GCGR: variants seen among roughly 807,000 people sequenced by gnomAD.
GCGR encodes the protein glucagon receptor.
In GCGR, 41 loss-of-function variants were observed where a neutral mutation model predicts 56.1. That is an observed-to-expected ratio of 0.73 (90% CI 0.57 to 0.95). The LOEUF is 0.95. Among genes scored for constraint, GCGR ranks in the 40% least tolerant of loss-of-function variants. The pLI is 0.00. For missense variants in GCGR, 595 were observed against 638.2 expected, an observed-to-expected ratio of 0.93 and a Z score of 0.73; for synonymous variants, 278 against 271.1, an observed-to-expected ratio of 1.03 and a Z score of -0.25.
chr17:81,809,182 G>T, intron 2 of GCGR, 104 bp downstream of exon 2: 1 of 1,341,680 alleles, frequency 7.5e-7, no homozygotes, highest in Non-Finnish European at 1.0e-6. Context: ...CTGCCTGCCT[G>T]TCTGTCTGTC....
Position 81,810,045 on chromosome 17 carries a change from G to A in GCGR, c.163+161G>A, listed in dbSNP as rs1598236409. On this transcript the variant is annotated intron_variant, in intron 3 of 13. Transcript: ENST00000400723. This position sits in a 1 kb window ranked among gnomAD's most constrained non-coding sequence, Gnocchi z 4.6. ...CACCACCGTGGGCAGGTGAGGTAAC[G>A]AGGTAACTGAGCCACAGAGCTGGGG... The A allele has an allele frequency of 2.9e-6, 2 of 689,838 alleles. No homozygotes were observed. The highest frequency in any genetic ancestry group is 2.7e-5 in the East Asian group (1 of 36,788). 42.7% of individuals were successfully genotyped at this position (689,838 alleles called of 1,614,324 possible). A position where few individuals can be genotyped will look rare whatever the true frequency, so the allele number is the denominator to read the frequency against.
rs988879525 is a variant in GCGR, at chr17:81,812,691, C to G, written c.1037+26C>G. Reference sequence around the variant, plus strand: ...GTGGGTGCCGCGGCAGCTGGCGTCTCGAGACCTGGAGACCCTCAGGGCCAG... The same window carrying G: ...GTGGGTGCCGCGGCAGCTGGCGTCTGGAGACCTGGAGACCCTCAGGGCCAG... On this transcript the variant is annotated intron_variant, in intron 11 of 13. Transcript: ENST00000400723. The surrounding 1 kb of genome is among the most constrained non-coding windows in gnomAD (Gnocchi z 8.5). 3.3e-6 allele frequency: 5 copies of G among 1,531,252 alleles called. No individual in the cohort carries two copies. The Admixed American group carries it at 7.9e-5, about 24-fold the overall frequency. The allele number at this position is 1,531,252 out of a possible 1,614,324, so 94.9% of individuals were successfully genotyped here. A position where few individuals can be genotyped will look rare whatever the true frequency, so the allele number is the denominator to read the frequency against.
At position 81,812,620 on chromosome 17, in the gene GCGR, C is replaced by T. The variant is rs2038125867; in HGVS notation, c.992C>T (p.Ala331Val). 6.5e-7 allele frequency: 1 copy of T among 1,536,540 alleles called. No individual in the cohort carries two copies. Among genetic ancestry groups the T allele is most frequent in the African/African-American group, 1.4e-5 (1 of 73,166 alleles). ...GTCCGCATCGTTCAGCTGCTCGTGG[C>T]CAAGCTGCGGGCACGGCAGATGCAC... ...IFVRIVQLLV[A>V]KLRARQMHHT... The change falls in exon 11 of 14, where the codon GCC becomes GTC. Residue 331 changes from alanine to valine, a missense_variant. Transcript: ENST00000400723. This position sits in a 1 kb window ranked among gnomAD's most constrained non-coding sequence, Gnocchi z 8.5.
At chr17:81,807,145 G>A (rs1019874733) in intron 1 of GCGR, among the ~76,000 whole-genome samples, 1 of 152,248 alleles carries the variant, frequency 6.6e-6, no homozygotes, top group Non-Finnish European at 1.5e-5. Context: ...CCAGAGCTGG[G>A]GACGCCAAAA....
Position 81,810,849 on chromosome 17 carries a change from A to G in GCGR, c.188A>G (p.Asp63Gly). 1 of 1,536,594 alleles carries G rather than the reference A, an allele frequency of 6.5e-7. No individual in the cohort carries two copies. The highest frequency in any genetic ancestry group is 1.2e-5 in the South Asian group (1 of 84,062). Residue 63 changes from aspartate to glycine, a missense_variant, in exon 4 of 14, where the codon GAC (aspartate) becomes GGC (glycine). Transcript: ENST00000400723. The surrounding 1 kb of genome is among the most constrained non-coding windows in gnomAD (Gnocchi z 4.6). ...PTELVCNRTF[D>G]KYSCWPDTPA... ...GAGCTGGTGTGCAACAGAACCTTCG[A>G]CAAGTATTCCTGCTGGCCGGACACC...
At chr17:81,809,629 G>A (rs1442480043) in intron 2 of GCGR, among the ~76,000 whole-genome samples, 153 bp from the exon 3 acceptor site, 1 of 149,442 alleles carries the variant, frequency 6.7e-6, no homozygotes, top group Non-Finnish European at 1.5e-5. Flanking sequence ...CTGTCCGTCT[G>A]CCTGCCTGTC....
chr17:81,813,668 ATT>A lies in GCGR; in HGVS notation c.1414_1415del (p.Leu472GlyfsTer2). 1 of 1,535,468 alleles carries A rather than the reference ATT, an allele frequency of 6.5e-7. No individual in the cohort carries two copies. The highest frequency in any genetic ancestry group is 1.4e-5 in the African/African-American group (1 of 73,086). On this transcript the variant is annotated frameshift_variant, in exon 14 of 14. Transcript: ENST00000400723. LOFTEE classifies it high-confidence loss of function. The surrounding 1 kb of genome is among the most constrained non-coding windows in gnomAD (Gnocchi z 5.3). ...ETPLAGGLPR[L>X]AESPF ...CCCCCTTGGCTGGTGGCCTCCCTAGATTGGCTGAGAGCCCCTTCTGAACCCTG... is the reference window on the plus strand; with the variant it reads ...CCCCCTTGGCTGGTGGCCTCCCTAGAGGCTGAGAGCCCCTTCTGAACCCTG...
chr17:81,811,318 G>T lies in GCGR; in HGVS notation c.490G>T (p.Gly164Trp). 6.5e-7 allele frequency: 1 copy of T among 1,535,212 alleles called. No homozygotes were observed. The highest frequency in any genetic ancestry group is 1.7e-4 in the Middle Eastern group (1 of 5,984). Reference protein sequence around the residue: ...GALLLALAILGGLSKLHCTRN... With the variant: ...GALLLALAILWGLSKLHCTRN... ...CCTGCTCCTCGCCTTGGCCATCCTG[G>T]GGGGCCTCAGGTAGGATTCCGCCAG... The change falls in exon 6 of 14, where the codon GGG becomes TGG. Residue 164 changes from glycine (G) to tryptophan (W), a missense_variant. Coordinates refer to ENST00000400723, the MANE Select transcript of GCGR (RefSeq NM_000160.5). The surrounding 1 kb of genome is among the most constrained non-coding windows in gnomAD (Gnocchi z 5.8).
rs1325447916 is a variant in GCGR at position 81,811,285 on chromosome 17, C to T, written c.457C>T (p.Leu153=). 1.3e-6 allele frequency: 2 copies of T among 1,535,900 alleles called. No homozygotes were observed. The highest frequency in any genetic ancestry group is 3.9e-5 in the Admixed American group (2 of 50,986). Reference sequence around the variant, plus strand: ...GTACACAGTGGGCTACAGCCTGTCCCTGGGGGCCCTGCTCCTCGCCTTGGC... The same window carrying T: ...GTACACAGTGGGCTACAGCCTGTCCTTGGGGGCCCTGCTCCTCGCCTTGGC... ...VMYTVGYSLS[L]GALLLALAIL... Residue 153 remains leucine (L), a synonymous_variant, in exon 6 of 14, where the codon CTG becomes TTG. Transcript: ENST00000400723. This position sits in a 1 kb window ranked among gnomAD's most constrained non-coding sequence, Gnocchi z 5.8.
At chr17:81,805,939 G>T (rs567822254) in intron 1 of GCGR, among the ~76,000 whole-genome samples, 1 of 152,294 alleles carries the variant, frequency 6.6e-6, no homozygotes, top group African/African-American at 2.4e-5. Flanking sequence ...GGCTGACCGG[G>T]GCCCGGGGGT....
In GCGR at chr17:81,812,141, C is replaced by T; in HGVS notation, c.879-42C>T. ...ACGGGGGTGCTGAGGGGCGGAGGGGCTGGGGGCTGTGCCCCAGTATGTGAG... is the reference window on the plus strand; with the variant it reads ...ACGGGGGTGCTGAGGGGCGGAGGGGTTGGGGGCTGTGCCCCAGTATGTGAG... On this transcript the variant is annotated intron_variant, in intron 9 of 13. Coordinates refer to ENST00000400723, the MANE Select transcript of GCGR (RefSeq NM_000160.5). This position sits in a 1 kb window ranked among gnomAD's most constrained non-coding sequence, Gnocchi z 8.5. 6.5e-7 allele frequency: 1 copy of T among 1,528,148 alleles called. No individual in the cohort carries two copies. Among genetic ancestry groups the T allele is most frequent in the Non-Finnish European group, 8.8e-7 (1 of 1,140,358 alleles). The allele number at this position is 1,528,148 out of a possible 1,614,324, so 94.7% of individuals were successfully genotyped here.
Position 81,808,818 on chromosome 17 carries a change from C to T in GCGR, c.-177-24C>T. 4 of 642,498 alleles carry T rather than the reference C, an allele frequency of 6.2e-6. No homozygotes were observed. The South Asian group carries it at 7.8e-5, about 12-fold the overall frequency. 39.8% of individuals were successfully genotyped at this position (642,498 alleles called of 1,614,324 possible). A position where few individuals can be genotyped will look rare whatever the true frequency, so the allele number is the denominator to read the frequency against. ...ACAGGCGTGAGCCGCCGCGCCCGGCCCCCAGCTCCCTCTTTATCCCTAGGA... is the reference window on the plus strand; with the variant it reads ...ACAGGCGTGAGCCGCCGCGCCCGGCTCCCAGCTCCCTCTTTATCCCTAGGA... On this transcript the variant is annotated intron_variant, in intron 1 of 13. Transcript: ENST00000400723.
intron 1 of GCGR, among the ~76,000 whole-genome samples, chr17:81,807,841 C>T (rs2037994390): frequency 6.6e-6 from 1 of 152,252 alleles, no homozygotes; most frequent in Non-Finnish European, 1.5e-5. Context: ...GCTGTTGCCA[C>T]CCCGAACTCC....
Position 81,813,262 on chromosome 17 carries a change from G to A in GCGR, c.1218+205G>A, listed in dbSNP as rs574615484. On this transcript the variant is annotated intron_variant, in intron 13 of 13. Coordinates refer to ENST00000400723, the MANE Select transcript of GCGR (RefSeq NM_000160.5). This position sits in a 1 kb window ranked among gnomAD's most constrained non-coding sequence, Gnocchi z 5.3. Reference sequence around the variant, plus strand: ...AGGACAGGTTGGCCTCAGCCCCATCGCTACGGTGTCCACCGTGGGGGTCCC... The same window carrying A: ...AGGACAGGTTGGCCTCAGCCCCATCACTACGGTGTCCACCGTGGGGGTCCC... 1.3e-5 allele frequency among the ~76,000 whole-genome samples: 2 copies of A among 152,262 alleles called. No individual in the cohort carries two copies. Among genetic ancestry groups the A allele is most frequent in the African/African-American group, 4.8e-5 (2 of 41,552 alleles).
chr17:81,810,669 G>A lies in GCGR; in HGVS notation c.164-156G>A, dbSNP rs2038073444. Among the ~76,000 whole-genome samples the A allele has an allele frequency of 6.6e-6, 1 of 151,990 alleles. No homozygotes were observed. The highest frequency in any genetic ancestry group is 2.4e-5 in the African/African-American group (1 of 41,364). On this transcript the variant is annotated intron_variant, in intron 3 of 13. Coordinates refer to ENST00000400723, the MANE Select transcript of GCGR (RefSeq NM_000160.5). The surrounding 1 kb of genome is among the most constrained non-coding windows in gnomAD (Gnocchi z 4.6). ...GGAAGGTGGAGGTCAGATGGGGGAGGTGGAGGTCAAGTGGGGGAGGGAGCA... is the reference window on the plus strand; with the variant it reads ...GGAAGGTGGAGGTCAGATGGGGGAGATGGAGGTCAAGTGGGGGAGGGAGCA...
Position 81,811,565 on chromosome 17 carries a change from G to C in GCGR, c.657+5G>C. The C allele has an allele frequency of 9.8e-6, 15 of 1,536,300 alleles. No individual in the cohort carries two copies. Among genetic ancestry groups the C allele is most frequent in the Non-Finnish European group, 1.3e-5 (15 of 1,146,822 alleles). ...AGCACCTGGCTCAGTGATGGAGTGA[G>C]CCCCCCTCGGCGGCCCCAGGCAGGT... On this transcript the variant is annotated splice_donor_5th_base_variant and intron_variant, in intron 7 of 13. Coordinates refer to ENST00000400723, the MANE Select transcript of GCGR (RefSeq NM_000160.5). The surrounding 1 kb of genome is among the most constrained non-coding windows in gnomAD (Gnocchi z 5.8).
rs1315529147 is a variant in GCGR at position 81,813,653 on chromosome 17, T to C, written c.1398T>C (p.Ala466=). Residue 466 remains alanine, a synonymous_variant, in exon 14 of 14, where the codon GCT becomes GCC. Coordinates refer to ENST00000400723, the MANE Select transcript of GCGR (RefSeq NM_000160.5). This position sits in a 1 kb window ranked among gnomAD's most constrained non-coding sequence, Gnocchi z 5.3. ...ATTCATCTGCGGAGACCCCCTTGGCTGGTGGCCTCCCTAGATTGGCTGAGA... is the reference window on the plus strand; with the variant it reads ...ATTCATCTGCGGAGACCCCCTTGGCCGGTGGCCTCCCTAGATTGGCTGAGA... ...SQDSSAETPL[A]GGLPRLAESP... 6.5e-7 allele frequency: 1 copy of C among 1,536,056 alleles called. No individual in the cohort carries two copies. Among genetic ancestry groups the C allele is most frequent in the Non-Finnish European group, 8.7e-7 (1 of 1,146,784 alleles).
At position 81,812,496 on chromosome 17, in the gene GCGR, A is replaced by G; in HGVS notation, c.949-81A>G. ...TCTTGCTGCCAGGCCCACCTGCAGG[A>G]GGGTCAGGTGGGGCCTTCCAAGGGC... On this transcript the variant is annotated intron_variant, in intron 10 of 13. Coordinates refer to ENST00000400723, the MANE Select transcript of GCGR (RefSeq NM_000160.5). This position sits in a 1 kb window ranked among gnomAD's most constrained non-coding sequence, Gnocchi z 8.5. 7.5e-7 allele frequency: 1 copy of G among 1,336,256 alleles called. No homozygotes were observed. The allele number at this position is 1,336,256 out of a possible 1,614,324, so 82.8% of individuals were successfully genotyped here.
rs1598229125 is a variant in GCGR at position 81,804,332 on chromosome 17, G to C, written c.-178+83G>C. 1 of 152,322 alleles carries C rather than the reference G, an allele frequency of 6.6e-6. No individual in the cohort carries two copies. The highest frequency in any genetic ancestry group is 2.0e-4 in the East Asian group (1 of 5,104). 9.4% of individuals were successfully genotyped at this position (152,322 alleles called of 1,614,324 possible). A position where few individuals can be genotyped will look rare whatever the true frequency, so the allele number is the denominator to read the frequency against. ...GAGACCGCGGGGCGGGCGCGGCGGG[G>C]CCGGGGGCGCGGGGAGCGGGGAGCC... is the stretch of plus-strand genomic sequence containing the variant. On this transcript the variant is annotated intron_variant, in intron 1 of 13. Coordinates refer to ENST00000400723, the MANE Select transcript of GCGR (RefSeq NM_000160.5). This position sits in a 1 kb window ranked among gnomAD's most constrained non-coding sequence, Gnocchi z 8.2.
Sources: allele counts gnomAD v4.1 joint callset (sites outside exome capture counted in the v4.1 genomes callset), GRCh38; gene constraint gnomAD v4.1.1; non-coding constraint Gnocchi (gnomAD v3.1); transcripts MANE v1.5; gene names NCBI Gene and HGNC (gene_info 2026-07-23, HGNC 2026-07-21).